The following MTO1 variants were observed in gnomAD, a reference collection of about 807,000 sequenced individuals.
MTO1 encodes mitochondrial tRNA translation optimization 1, also known as 5-taurinomethyluridine-[tRNA] synthase subunit MTO1, mitochondrial.
MTO1 carries 46 observed loss-of-function variants against 71.6 expected under a neutral mutation model. The observed-to-expected ratio is 0.64, with a 90% CI of 0.51 to 0.82. The LOEUF (loss-of-function observed/expected upper bound fraction) is 0.82, where lower values mean the gene tolerates loss of function less well. MTO1 is among the 40% of genes least tolerant of loss of function. The pLI is 0.00. For synonymous variants in MTO1, 297 were observed against 312.1 expected (o/e 0.95, Z 0.51); for missense variants, 773 against 867.5 (o/e 0.89, Z 1.37).
At chr6:73,477,093 T>G (rs78128297) in intron 4 of MTO1, among the ~76,000 whole-genome samples, 1 of 150,244 alleles carries the variant, frequency 6.7e-6, no homozygotes, top group African/African-American at 2.4e-5. Context: ...GACCAAAAAA[T>G]TTTTTTAAAG....
At chr6:73,493,349 C>CACGT (rs1771877511) in intron 10 of MTO1, among the ~76,000 whole-genome samples, 5 of 49,632 alleles carry the variant, frequency 1.0e-4, no homozygotes, top group African/African-American at 4.0e-4. Flanking sequence ...TTGAAATGTG[C>CACGT]ATGTATGTGT....
intron 10 of MTO1, among the ~76,000 whole-genome samples, chr6:73,495,132 A>T (rs184265533): frequency 2.0e-5 from 3 of 152,014 alleles, no homozygotes; most frequent in Admixed American, 6.6e-5. Flanking sequence ...AATGCTTTGG[A>T]TGTCTGTGTA....
At chr6:73,485,129 G>C (rs1443207910) in intron 9 of MTO1, among the ~76,000 whole-genome samples, 1 of 151,774 alleles carries the variant, frequency 6.6e-6, no homozygotes, top group Non-Finnish European at 1.5e-5. Context: ...ATAGGAACTT[G>C]CATTGAATGT....
intron 4 of MTO1, among the ~76,000 whole-genome samples, chr6:73,476,407 C>A (rs1249457297): frequency 1.4e-5 from 2 of 147,464 alleles, no homozygotes; most frequent in East Asian, 3.9e-4. Flanking sequence ...AGAAAGTTAA[C>A]CCTCAACGCA....
chr6:73,485,926 C>G (rs1372195434), intron 9 of MTO1, among the ~76,000 whole-genome samples: 1 of 150,182 alleles, frequency 6.7e-6, no homozygotes, highest in South Asian at 2.1e-4. Context: ...ACATGTGCAC[C>G]TATGCGTAAC....
At chr6:73,477,843 A>C (rs1052056808) in intron 4 of MTO1, among the ~76,000 whole-genome samples, 1 of 152,046 alleles carries the variant, frequency 6.6e-6, no homozygotes, top group Non-Finnish European at 1.5e-5. Flanking sequence ...AGGGTCATGC[A>C]TTGCGTTTAA....
intron 10 of MTO1, 124 bp downstream of exon 10, chr6:73,492,476 C>T (rs1022899768): frequency 8.3e-5 from 54 of 649,600 alleles, no homozygotes; most frequent in Non-Finnish European, 1.3e-4. Context: ...AAGTGTGGTC[C>T]TCAGCTAAGA....
At chr6:73,462,299 C>T in intron 1 of MTO1, 1 of 583,448 alleles carries the variant, frequency 1.7e-6, no homozygotes, top group South Asian at 2.2e-5. Flanking sequence ...GACAGTCGTC[C>T]GTTGTAGGAG....
In MTO1 at chr6:73,461,866, C is replaced by T. The variant is rs374332084; in HGVS notation, c.12C>T (p.Phe4=). MFY[F]RGCGRWVAVS... Reference sequence around the variant, plus strand: ...ATTTTTCTCCCAGCATGTTCTACTTCCGAGGCTGTGGCCGTTGGGTCGCGG... The same window carrying T: ...ATTTTTCTCCCAGCATGTTCTACTTTCGAGGCTGTGGCCGTTGGGTCGCGG... Residue 4 remains phenylalanine (F), a synonymous_variant, in exon 1 of 12, where the codon TTC becomes TTT. Coordinates refer to ENST00000498286, the MANE Select transcript of MTO1 (RefSeq NM_012123.4). 9.3e-6 allele frequency: 15 copies of T among 1,613,362 alleles called. No individual in the cohort carries two copies. Among genetic ancestry groups the T allele is most frequent in the African/African-American group, 1.3e-5 (1 of 74,946 alleles).
chr6:73,500,785 T>G lies in MTO1; in HGVS notation c.*50T>G. 3 of 1,338,342 alleles carry G rather than the reference T, an allele frequency of 2.2e-6. No homozygotes were observed. Among genetic ancestry groups the G allele is most frequent in the Non-Finnish European group, 3.0e-6 (3 of 1,003,344 alleles). The allele number at this position is 1,338,342 out of a possible 1,614,324, so 82.9% of individuals were successfully genotyped here. ...AAGAGCATATAAATAATTTGATCAA[T>G]ACAACAGTATAGATAAAAGAATTAT... On this transcript the variant is annotated 3_prime_UTR_variant, in exon 12 of 12. Transcript: ENST00000498286.
intron 9 of MTO1, among the ~76,000 whole-genome samples, chr6:73,485,737 G>A (rs764361751): frequency 5.3e-5 from 8 of 152,044 alleles, no homozygotes; most frequent in Non-Finnish European, 7.4e-5. Flanking sequence ...CACTGTGCCT[G>A]GCCTTAGCCT....
At position 73,500,711 on chromosome 6, in the gene MTO1, C is replaced by T; in HGVS notation, c.2055C>T (p.Asp685=). ...CTGATCAATACTTATGTGATGCAGA[C>T]AGACTTCAAGAGAGAGAGTTATAGC... ...SKTDQYLCDA[D]RLQEREL is the part of the protein sequence containing the mutation. Residue 685 remains aspartate (D), a synonymous_variant, in exon 12 of 12, where the codon GAC becomes GAT. Coordinates refer to ENST00000498286, the MANE Select transcript of MTO1 (RefSeq NM_012123.4). 1 of 1,600,432 alleles carries T rather than the reference C, an allele frequency of 6.2e-7. No individual in the cohort carries two copies. The highest frequency in any genetic ancestry group is 8.5e-7 in the Non-Finnish European group (1 of 1,174,238).
chr6:73,472,163 T>C (rs1042701034), intron 3 of MTO1, among the ~76,000 whole-genome samples: 2 of 152,196 alleles, frequency 1.3e-5, no homozygotes, highest in African/African-American at 4.8e-5. Context: ...ATATCTTCTC[T>C]TCAGATATTA....
intron 4 of MTO1, 70 bp from the exon 5 acceptor site, chr6:73,479,662 G>T: frequency 7.9e-7 from 1 of 1,258,514 alleles, no homozygotes; most frequent in Admixed American, 1.9e-5. Flanking sequence ...GTATCATGTG[G>T]AATTTATTTG....
At chr6:73,464,150 A>T (rs1770909387) in intron 1 of MTO1, 1 of 152,208 alleles carries the variant, frequency 6.6e-6, no homozygotes, top group South Asian at 2.1e-4. Context: ...AGGATGATGC[A>T]CAAATTTGTG....
chr6:73,481,120 AT>A (rs1413122823), intron 7 of MTO1: 3 of 305,632 alleles, frequency 9.8e-6, no homozygotes, highest in South Asian at 2.9e-5. Context: ...CACCCAGGTA[AT>A]TTTTGCATTT....
intron 4 of MTO1, among the ~76,000 whole-genome samples, chr6:73,476,135 G>C (rs1051225371): frequency 3.3e-5 from 5 of 151,674 alleles, no homozygotes; most frequent in Non-Finnish European, 7.4e-5. Context: ...GGCTGAGGCA[G>C]GTGGATCACT....
At chr6:73,485,054 A>G (rs1246910136) in intron 9 of MTO1, among the ~76,000 whole-genome samples, 1 of 152,064 alleles carries the variant, frequency 6.6e-6, no homozygotes, top group African/African-American at 2.4e-5. Context: ...ATCAAAAAAA[A>G]AAAAAAAAAG....
intron 7 of MTO1, 96 bp from the exon 8 acceptor site, chr6:73,481,944 T>C (rs1275277674): frequency 1.5e-6 from 2 of 1,352,596 alleles, no homozygotes; most frequent in African/African-American, 1.4e-5. Context: ...CTTGCTTTCT[T>C]CCTGTCCCAT....
Sources: gnomAD v4.1 joint callset for allele counts (sites outside exome capture counted in the v4.1 genomes callset) on GRCh38, gnomAD v4.1.1 for gene constraint, MANE v1.5 for transcripts, NCBI Gene and HGNC (gene_info 2026-07-23, HGNC 2026-07-21) for gene names.